Variants in DLGAP2 observed in about 807,000 individuals in gnomAD.
DLGAP2 encodes the protein DLG associated protein 2.
In DLGAP2, 26 loss-of-function variants were observed where a neutral mutation model predicts 100.3. That is an observed-to-expected ratio of 0.26 (90% CI 0.19 to 0.36). The LOEUF (loss-of-function observed/expected upper bound fraction) is 0.36, where lower values mean the gene tolerates loss of function less well. Ranked by LOEUF, DLGAP2 falls within the 10% of genes least tolerant of loss-of-function variation. The pLI, the probability that DLGAP2 is intolerant of heterozygous loss-of-function variation, is 1.00. For missense variants in DLGAP2, 1,858 were observed against 1,453.2 expected (o/e 1.28, Z -4.53); for synonymous variants, 886 against 630.1 (o/e 1.41, Z -6.08).
chr8:1,329,607 C>T (rs1801102683), intron 3 of DLGAP2, among the ~76,000 whole-genome samples: 5 of 152,138 alleles, frequency 3.3e-5, no homozygotes, highest in Admixed American at 2.6e-4. Flanking sequence ...TGGTTCTGTG[C>T]CGGGTCCTGG....
chr8:1,386,102 G>A (rs1178722365), intron 3 of DLGAP2, among the ~76,000 whole-genome samples: 1 of 152,178 alleles, frequency 6.6e-6, no homozygotes, highest in Non-Finnish European at 1.5e-5. Flanking sequence ...CCAGAAAACA[G>A]GAAAATGACA....
chr8:1,361,026 A>C (rs897165961), intron 3 of DLGAP2, among the ~76,000 whole-genome samples: 1 of 152,224 alleles, frequency 6.6e-6, no homozygotes, highest in Non-Finnish European at 1.5e-5. Flanking sequence ...AAGGGGAAGG[A>C]AACTCTTCTG....
chr8:1,338,917 C>T (rs1801353356), intron 3 of DLGAP2, among the ~76,000 whole-genome samples: 1 of 148,178 alleles, frequency 6.7e-6, no homozygotes, highest in Non-Finnish European at 1.5e-5. Context: ...GGCGTCAGGA[C>T]CTGGCAGGGA....
intron 6 of DLGAP2, among the ~76,000 whole-genome samples, chr8:1,571,083 A>G (rs1268455749): frequency 2.6e-4 from 23 of 88,100 alleles, no homozygotes; most frequent in Admixed American, 5.1e-4. Flanking sequence ...GATGGGGAGG[A>G]GAGAGGGTGA....
chr8:897,769 G>C (rs1172913838), intron 1 of DLGAP2, among the ~76,000 whole-genome samples: 2 of 152,136 alleles, frequency 1.3e-5, no homozygotes, highest in African/African-American at 4.8e-5. Flanking sequence ...ATGCTCTTCT[G>C]TTCAACGGCT....
intron 3 of DLGAP2, among the ~76,000 whole-genome samples, chr8:1,451,629 G>T (rs1798162436): frequency 6.6e-6 from 1 of 151,990 alleles, no homozygotes. Flanking sequence ...CTCCGCCTCT[G>T]TTGCCGGCTC....
At chr8:1,464,235 C>CACCTGTCCAG (rs1563164743) in intron 3 of DLGAP2, among the ~76,000 whole-genome samples, 1 of 128,580 alleles carries the variant, frequency 7.8e-6, no homozygotes, top group Non-Finnish European at 1.7e-5. Context: ...CCTTCCAGGA[C>CACCTGTCCAG]GACACCCTTC....
chr8:1,220,067 G>T (rs1025146148), intron 2 of DLGAP2, among the ~76,000 whole-genome samples: 5 of 151,888 alleles, frequency 3.3e-5, no homozygotes, highest in African/African-American at 1.2e-4. Flanking sequence ...ACCAACTTAT[G>T]GTTTTGTTGA....
chr8:1,269,771 G>T (rs1244814631), intron 3 of DLGAP2, among the ~76,000 whole-genome samples: 1 of 152,062 alleles, frequency 6.6e-6, no homozygotes, highest in South Asian at 2.1e-4. Context: ...AAGCAAAAAA[G>T]GCTGGCGAGG....
chr8:1,139,248 C>T (rs1796479339), intron 2 of DLGAP2, among the ~76,000 whole-genome samples: 1 of 152,210 alleles, frequency 6.6e-6, no homozygotes, highest in East Asian at 1.9e-4. Context: ...CTCGTTGCCC[C>T]TGTGTTCTCT....
At chr8:1,036,743 C>T (rs974383817) in intron 2 of DLGAP2, among the ~76,000 whole-genome samples, 4 of 152,086 alleles carry the variant, frequency 2.6e-5, no homozygotes, top group Admixed American at 6.5e-5. Flanking sequence ...TGTAGCGGAG[C>T]GTGGAGTGAA....
Position 1,144,950 on chromosome 8 carries a change from A to G in DLGAP2, c.74-113901A>G, listed in dbSNP as rs532119497. Among the ~76,000 whole-genome samples, 360 of 150,950 alleles carry G rather than the reference A, an allele frequency of 2.4e-3. 2 individuals carry two copies. Among genetic ancestry groups the G allele is most frequent in the African/African-American group, 8.2e-3 (339 of 41,324 alleles). Reference sequence around the variant, plus strand: ...GTCAAACCGCAGACGGCCTGTACCCACAGTCAGACCGCAGACGGCCTGTAT... The same window carrying G: ...GTCAAACCGCAGACGGCCTGTACCCGCAGTCAGACCGCAGACGGCCTGTAT... On this transcript the variant is annotated intron_variant, in intron 2 of 14. Transcript: ENST00000637795.
At chr8:1,251,035 C>G (rs1349187763) in intron 2 of DLGAP2, among the ~76,000 whole-genome samples, 4 of 152,178 alleles carry the variant, frequency 2.6e-5, no homozygotes, top group Non-Finnish European at 5.9e-5. Flanking sequence ...TTTCTGTGTA[C>G]ATCAACTATC....
intron 4 of DLGAP2, among the ~76,000 whole-genome samples, chr8:1,525,149 A>G (rs898629903): frequency 1.7e-4 from 25 of 148,800 alleles, no homozygotes; most frequent in Non-Finnish European, 1.5e-5. Flanking sequence ...TGAGGCAACA[A>G]CTTCAAAGCA....
intron 3 of DLGAP2, among the ~76,000 whole-genome samples, chr8:1,353,424 G>T (rs369071976): frequency 1.3e-5 from 2 of 152,226 alleles, no homozygotes; most frequent in East Asian, 3.8e-4. Flanking sequence ...AATGAATTAT[G>T]TAAGGTATTC....
Position 1,574,143 on chromosome 8 carries a change from A to G in DLGAP2, c.1442+8249A>G, listed in dbSNP as rs1802868285. On this transcript the variant is annotated intron_variant, in intron 6 of 14. Coordinates refer to ENST00000637795, the MANE Select transcript of DLGAP2 (RefSeq NM_001346810.2). ...CCCAAAGACAGCATATTTACGGGAG[A>G]GGGAAATAATATTTTATAGTAACAC... is the stretch of plus-strand genomic sequence containing the variant. Among the ~76,000 whole-genome samples, 7 of 152,122 alleles carry G rather than the reference A, an allele frequency of 4.6e-5. No homozygotes were observed. In the South Asian group the frequency reaches 1.4e-3, roughly 32 times the overall value.
intron 1 of DLGAP2, among the ~76,000 whole-genome samples, chr8:880,119 G>A (rs1164816202): frequency 6.6e-6 from 1 of 152,142 alleles, no homozygotes; most frequent in African/African-American, 2.4e-5. Context: ...GTGAGGGGAA[G>A]TTTTCTTTGC....
chr8:1,200,107 G>A (rs968708149), intron 2 of DLGAP2, among the ~76,000 whole-genome samples: 1 of 152,150 alleles, frequency 6.6e-6, no homozygotes, highest in Non-Finnish European at 1.5e-5. Flanking sequence ...TGAAGGGTCG[G>A]GGGCGTGGGG....
chr8:770,583 T>G (rs1309587934), intron 1 of DLGAP2, among the ~76,000 whole-genome samples: 2 of 152,174 alleles, frequency 1.3e-5, no homozygotes, highest in African/African-American at 4.8e-5. Flanking sequence ...CTTGGCAGTT[T>G]CTGTGGGCTC....
Sources: gnomAD v4.1 joint callset for allele counts (sites outside exome capture counted in the v4.1 genomes callset) on GRCh38, gnomAD v4.1.1 for gene constraint, MANE v1.5 for transcripts, NCBI Gene and HGNC (gene_info 2026-07-23, HGNC 2026-07-21) for gene names.